ZNF611: variants seen among roughly 807,000 people sequenced by gnomAD.
ZNF611 encodes the protein zinc finger protein 611.
ZNF611 carries 6 observed loss-of-function variants against 8.9 expected under a neutral mutation model. That is an observed-to-expected ratio of 0.68 (90% CI 0.37 to 1.34). The LOEUF (loss-of-function observed/expected upper bound fraction) is 1.34, where lower values mean the gene tolerates loss of function less well. Ranked by LOEUF, ZNF611 falls within the 40% of genes most tolerant of loss-of-function variation. ZNF611 has a pLI of 0.02. For missense variants in ZNF611, 874 were observed against 841.3 expected (o/e 1.04, Z -0.48); for synonymous variants, 262 against 279.7 (o/e 0.94, Z 0.63).
At chr19:52,734,176 T>A (rs1215823226) in intron 1 of ZNF611, among the ~76,000 whole-genome samples, 1 of 136,028 alleles carries the variant, frequency 7.4e-6, no homozygotes, top group Non-Finnish European at 1.5e-5. Flanking sequence ...TTTCTCCTCC[T>A]GCTTTCTTAG....
At chr19:52,714,929 C>T (rs149162773) in intron 4 of ZNF611, among the ~76,000 whole-genome samples, 3,151 of 150,226 alleles carry the variant, frequency 0.021, 109 homozygotes, top group African/African-American at 0.073. Flanking sequence ...ATCCGGGAGG[C>T]GGAGGTTGCA....
chr19:52,704,500 T>C lies in ZNF611; in HGVS notation c.*437A>G, dbSNP rs1774400988. 3 of 982,856 alleles carry C rather than the reference T, an allele frequency of 3.1e-6. No individual in the cohort carries two copies. Among genetic ancestry groups the C allele is most frequent in the South Asian group, 1.3e-5 (1 of 74,586 alleles). The allele number at this position is 982,856 out of a possible 1,614,324, so 60.9% of individuals were successfully genotyped here. A position where few individuals can be genotyped will look rare whatever the true frequency, so the allele number is the denominator to read the frequency against. ...ATAGGATGAAGCTTGACTGAAGACC[T>C]TGGCACAGTCATGACATTTGTAAGG... On this transcript the variant is annotated 3_prime_UTR_variant, in exon 6 of 6. Coordinates refer to ENST00000652185, the MANE Select transcript of ZNF611 (RefSeq NM_001161499.2).
At chr19:52,728,264 C>T (rs967070137) in intron 3 of ZNF611, among the ~76,000 whole-genome samples, 1 of 141,758 alleles carries the variant, frequency 7.1e-6, no homozygotes, top group Admixed American at 6.9e-5. Context: ...CTGGGCCGGG[C>T]GTGGTGGGTC....
In ZNF611 at chr19:52,713,945, G is replaced by A. The variant is rs563146976; in HGVS notation, c.190+70C>T. The stretch of plus-strand genomic sequence containing the variant: ...TGTATGGGGCAAAATCACAAAAGAG[G>A]ATACAAAGCCAGGATGAGCCAAGAT... On this transcript the variant is annotated intron_variant, in intron 5 of 5. Coordinates refer to ENST00000652185, the MANE Select transcript of ZNF611 (RefSeq NM_001161499.2). 1,132 of 1,591,060 alleles carry A rather than the reference G, an allele frequency of 7.1e-4. 3 individuals carry two copies. Among genetic ancestry groups the A allele is most frequent in the Non-Finnish European group, 9.0e-4 (1,054 of 1,174,166 alleles).
chr19:52,706,532 C>T lies in ZNF611; in HGVS notation c.523G>A (p.Glu175Lys), dbSNP rs1457011074. 5 of 1,614,078 alleles carry T rather than the reference C, an allele frequency of 3.1e-6. No homozygotes were observed. The African/African-American group carries it at 5.3e-5, about 17-fold the overall frequency. Reference sequence around the variant, plus strand: ...GACTTCTCAAGTTGATTACCAATTTCACCTTTGATCTGAAATATGTGGAGT... The same window carrying T: ...GACTTCTCAAGTTGATTACCAATTTTACCTTTGATCTGAAATATGTGGAGT... ...PELHIFQIKG[E>K]IGNQLEKSTN... The change falls in exon 6 of 6, where the codon GAA (glutamate) becomes AAA (lysine). Residue 175 changes from glutamate to lysine, a missense_variant. Glu to Lys is a moderately conservative substitution (Grantham distance 56). Transcript: ENST00000652185.
chr19:52,730,483 G>C (rs114570806), intron 1 of ZNF611, among the ~76,000 whole-genome samples: 1 of 151,234 alleles, frequency 6.6e-6, no homozygotes, highest in Non-Finnish European at 1.5e-5. Context: ...GTTCAGAGTT[G>C]TGTCCAATAG....
Position 52,725,962 on chromosome 19 carries a change from G to A in ZNF611, c.-20+2768C>T, listed in dbSNP as rs114561167. Among the ~76,000 whole-genome samples the A allele has an allele frequency of 4.4e-3, 674 of 152,306 alleles. 2 individuals are homozygous for A. The highest frequency in any genetic ancestry group is 0.014 in the African/African-American group (573 of 41,560). ...TTTTCGGGTGTTTGGAGGTGAGAGC[G>A]GCCAGGAAGGCTGAGGCATGATACA... is the stretch of plus-strand genomic sequence containing the variant. On this transcript the variant is annotated intron_variant, in intron 3 of 5. Coordinates refer to ENST00000652185, the MANE Select transcript of ZNF611 (RefSeq NM_001161499.2).
Position 52,705,905 on chromosome 19 carries a change from T to G in ZNF611, c.1150A>C (p.Thr384Pro). 6.2e-7 allele frequency: 1 copy of G among 1,614,158 alleles called. No individual in the cohort carries two copies. The highest frequency in any genetic ancestry group is 8.5e-7 in the Non-Finnish European group (1 of 1,180,024). ...TGAATTCTCTTATGTGTCTCAATGG[T>G]TGATTTCCGACTGAAAACTTTGTCA... ...ECDKVFSRKS[T>P]IETHKRIHTG... The change falls in exon 6 of 6, where the codon ACC (threonine) becomes CCC (proline). Residue 384 changes from threonine to proline, a missense_variant. Physicochemically the swap from Thr to Pro is conservative, Grantham distance 38 (BLOSUM62 -1). Transcript: ENST00000652185.
At chr19:52,734,417 T>G (rs707303) in intron 1 of ZNF611, among the ~76,000 whole-genome samples, 92,513 of 151,814 alleles carry the variant, frequency 0.61, 28,248 homozygotes, top group Non-Finnish European at 0.64. Context: ...CAGGCAAGAA[T>G]ACCCCGTGCC....
intron 3 of ZNF611, 87 bp from the exon 4 acceptor site, chr19:52,716,000 C>A (rs1214650615): frequency 2.7e-6 from 4 of 1,506,404 alleles, no homozygotes; most frequent in South Asian, 1.2e-5. Flanking sequence ...GAGACGTCAC[C>A]CTGTAGAAAG....
chr19:52,719,762 T>A (rs188960661), intron 3 of ZNF611, among the ~76,000 whole-genome samples: 305 of 152,320 alleles, frequency 2.0e-3, no homozygotes, highest in Non-Finnish European at 3.6e-3. Flanking sequence ...TCATTCTTTT[T>A]TGTTTTGTTT....
Position 52,704,385 on chromosome 19 carries a change from T to C in ZNF611, c.*552A>G. 1 of 651,464 alleles carries C rather than the reference T, an allele frequency of 1.5e-6. No individual in the cohort carries two copies. The allele number at this position is 651,464 out of a possible 1,614,324, so 40.4% of individuals were successfully genotyped here. ...TCTGTCCAGTATAGATTCTCTGATG[T>C]CTAATGACGTGTGAACGTGAAGCAA... On this transcript the variant is annotated 3_prime_UTR_variant, in exon 6 of 6. Coordinates refer to ENST00000652185, the MANE Select transcript of ZNF611 (RefSeq NM_001161499.2).
chr19:52,711,097 T>G (rs1348332803), intron 5 of ZNF611: 1 of 151,254 alleles, frequency 6.6e-6, no homozygotes. Context: ...TTTCGGAGGC[T>G]GAGGCAGGTA....
At chr19:52,723,837 G>T (rs2062375102) in intron 3 of ZNF611, 1 of 152,216 alleles carries the variant, frequency 6.6e-6, no homozygotes, top group African/African-American at 2.4e-5. Flanking sequence ...AAAGCTCTCT[G>T]TGTCATAAAT....
chr19:52,732,086 C>G (rs546453477), intron 1 of ZNF611, among the ~76,000 whole-genome samples: 3 of 151,860 alleles, frequency 2.0e-5, no homozygotes, highest in Admixed American at 6.6e-5. Flanking sequence ...CTGGCTAACA[C>G]GGTGAAATCC....
At chr19:52,713,830 A>G (rs1174787672) in intron 5 of ZNF611, among the ~76,000 whole-genome samples, 185 bp downstream of exon 5, 1 of 152,030 alleles carries the variant, frequency 6.6e-6, no homozygotes, top group Non-Finnish European at 1.5e-5. Context: ...GGCGGAGGTT[A>G]TGGTGAGCCA....
At chr19:52,729,514 A>C (rs867603645) in intron 2 of ZNF611, among the ~76,000 whole-genome samples, 10 of 148,558 alleles carry the variant, frequency 6.7e-5, no homozygotes, top group African/African-American at 2.5e-4. Flanking sequence ...AAAAAAAAAA[A>C]AAAAGAAAAG....
intron 1 of ZNF611, among the ~76,000 whole-genome samples, chr19:52,733,740 C>T (rs1412836446): frequency 2.0e-5 from 3 of 151,980 alleles, no homozygotes; most frequent in East Asian, 1.9e-4. Context: ...CCTCTCCTCT[C>T]CTGCTATTCA....
intron 1 of ZNF611, among the ~76,000 whole-genome samples, chr19:52,731,044 T>C (rs1241482401): frequency 6.6e-6 from 1 of 152,038 alleles, no homozygotes; most frequent in African/African-American, 2.4e-5. Context: ...TACAGATGCA[T>C]GCCACCACCC....
Sources: allele counts gnomAD v4.1 joint callset (sites outside exome capture counted in the v4.1 genomes callset), GRCh38; gene constraint gnomAD v4.1.1; transcripts MANE v1.5; gene names NCBI Gene and HGNC (gene_info 2026-07-23, HGNC 2026-07-21).